The following KIF26B variants were observed in gnomAD, a reference collection of about 807,000 sequenced individuals.
KIF26B encodes the protein kinesin family member 26B, also known as kinesin-like protein KIF26B.
Under a neutral mutation model 151.2 loss-of-function variants are expected in KIF26B, and 63 were observed. The ratio of observed to expected loss-of-function variants is 0.42; its 90% CI spans 0.34 to 0.51. KIF26B has a LOEUF of 0.51. Among genes scored for constraint, KIF26B ranks in the 20% least tolerant of loss-of-function variants. The probability of loss-of-function intolerance (pLI) is 0.07; values close to 1 mark genes in which losing one functional copy is unlikely to be tolerated. For missense variants in KIF26B, 2,813 were observed against 2,913.6 expected (o/e 0.97, Z 0.79); for synonymous variants, 1,357 against 1,262.1 (o/e 1.08, Z -1.59).
intron 9 of KIF26B, among the ~76,000 whole-genome samples, chr1:245,644,090 C>T (rs1485933824): frequency 6.7e-6 from 1 of 149,272 alleles, no homozygotes; most frequent in Non-Finnish European, 1.5e-5. Context: ...ATTTGTACCA[C>T]ACTCTGTCTT....
chr1:245,450,207 T>C (rs1659354964), intron 4 of KIF26B, among the ~76,000 whole-genome samples: 1 of 152,208 alleles, frequency 6.6e-6, no homozygotes. Context: ...CTTACTTTTA[T>C]CTGTTGGCCT....
chr1:245,625,213 CT>C (rs1240722809), intron 9 of KIF26B, among the ~76,000 whole-genome samples: 1 of 152,086 alleles, frequency 6.6e-6, no homozygotes, highest in Non-Finnish European at 1.5e-5. Context: ...CAACTTTGTT[CT>C]TATTTTTTAA....
intron 2 of KIF26B, among the ~76,000 whole-genome samples, chr1:245,209,921 C>T (rs1669480550): frequency 6.6e-6 from 1 of 152,238 alleles, no homozygotes; most frequent in South Asian, 2.1e-4. Flanking sequence ...GAAACTACAC[C>T]CGTAAGAAGA....
intron 2 of KIF26B, among the ~76,000 whole-genome samples, chr1:245,312,887 C>T (rs756004031): frequency 7.9e-5 from 12 of 152,232 alleles, no homozygotes; most frequent in Middle Eastern, 6.8e-3. Context: ...ACTGGCCGGG[C>T]GCCGTGGCTC....
intron 2 of KIF26B, among the ~76,000 whole-genome samples, chr1:245,232,646 G>T (rs1670022414): frequency 6.6e-6 from 1 of 151,800 alleles, no homozygotes; most frequent in Non-Finnish European, 1.5e-5. Context: ...TGCCTCCCAG[G>T]TTCAAGCGAT....
At chr1:245,294,959 G>A (rs543817056) in intron 2 of KIF26B, among the ~76,000 whole-genome samples, 55 of 152,242 alleles carry the variant, frequency 3.6e-4, no homozygotes, top group Non-Finnish European at 5.6e-4. Flanking sequence ...CACTGTGCCC[G>A]GCTGGGTTCT....
intron 7 of KIF26B, among the ~76,000 whole-genome samples, chr1:245,608,604 G>T (rs2103151500): frequency 6.6e-6 from 1 of 152,196 alleles, no homozygotes; most frequent in South Asian, 2.1e-4. Context: ...CTTAATCTGG[G>T]GGGTAACTAT....
At chr1:245,379,755 G>A (rs1673360955) in intron 3 of KIF26B, among the ~76,000 whole-genome samples, 1 of 152,028 alleles carries the variant, frequency 6.6e-6, no homozygotes, top group African/African-American at 2.4e-5. Flanking sequence ...TGGACCACCT[G>A]AGGTCAGGAG....
At chr1:245,577,083 T>G (rs555867743) in intron 5 of KIF26B, among the ~76,000 whole-genome samples, 2 of 152,346 alleles carry the variant, frequency 1.3e-5, no homozygotes, top group African/African-American at 4.8e-5. Flanking sequence ...CATCGACTTT[T>G]CAAAGTTTGT....
intron 10 of KIF26B, among the ~76,000 whole-genome samples, chr1:245,657,891 A>G (rs769520178): frequency 7.9e-5 from 12 of 152,182 alleles, no homozygotes; most frequent in Non-Finnish European, 1.6e-4. Context: ...AGTCTATAGA[A>G]TGACAAAAAA....
chr1:245,419,581 C>G lies in KIF26B; in HGVS notation c.1002C>G (p.Ile334Met), dbSNP rs761684877. 3.1e-6 allele frequency: 5 copies of G among 1,607,694 alleles called. No homozygotes were observed. In the South Asian group the frequency reaches 5.5e-5, roughly 18 times the overall value. ...TNGVTLYPYQ[I>M]SQLMTESSRE... ...TCCGTATCCATTTTCTTTGTCAGAT[C>G]TCCCAGCTGATGACAGAGAGTAGCC... The change falls in exon 4 of 15, where the codon ATC becomes ATG. Residue 334 changes from isoleucine to methionine, a missense_variant and splice_region_variant. Coordinates refer to ENST00000407071, the MANE Select transcript of KIF26B (RefSeq NM_018012.4).
intron 4 of KIF26B, among the ~76,000 whole-genome samples, chr1:245,470,767 A>G (rs12078625): frequency 0.09 from 13,735 of 152,102 alleles, 671 homozygotes; most frequent in South Asian, 0.13. Context: ...TGTCTCCTGA[A>G]GGACAAGAAG....
chr1:245,522,035 A>AT (rs1558198292), intron 4 of KIF26B, among the ~76,000 whole-genome samples: 2 of 151,742 alleles, frequency 1.3e-5, no homozygotes, highest in Non-Finnish European at 2.9e-5. Flanking sequence ...ATGCCCGGCT[A>AT]ATTTTTTGTA....
At chr1:245,444,494 T>A (rs537072421) in intron 4 of KIF26B, among the ~76,000 whole-genome samples, 19 of 152,356 alleles carry the variant, frequency 1.2e-4, no homozygotes, top group Admixed American at 7.8e-4. Context: ...AGCCGCAAGA[T>A]TAACCAGATA....
rs1325351513 is a variant in KIF26B, at chr1:245,516,986, G to A, written c.1167-23781G>A. ...CACCTGACCATGGTCGCAGTGGGGG[G>A]CTTTCTCTTGGTATTTAATTAGTAA... is the stretch of plus-strand genomic sequence containing the variant. On this transcript the variant is annotated intron_variant, in intron 4 of 14. Coordinates refer to ENST00000407071, the MANE Select transcript of KIF26B (RefSeq NM_018012.4). The surrounding 1 kb of genome is among the most constrained non-coding windows in gnomAD (Gnocchi z 4.2). Among the ~76,000 whole-genome samples the A allele has an allele frequency of 6.6e-6, 1 of 152,206 alleles. No individual in the cohort carries two copies. The highest frequency in any genetic ancestry group is 1.5e-5 in the Non-Finnish European group (1 of 68,040).
At chr1:245,328,058 C>T (rs1349180933) in intron 2 of KIF26B, among the ~76,000 whole-genome samples, 2 of 152,032 alleles carry the variant, frequency 1.3e-5, no homozygotes, top group Non-Finnish European at 2.9e-5. Flanking sequence ...TGAGTCCTGT[C>T]ACGGCCTGTC....
At chr1:245,696,262 G>A (rs1201488906) in intron 12 of KIF26B, among the ~76,000 whole-genome samples, 2 of 152,232 alleles carry the variant, frequency 1.3e-5, no homozygotes, top group East Asian at 3.8e-4. Context: ...TTCCCTCTGG[G>A]GGATGCCAGC....
At chr1:245,379,895 C>T (rs1007046691) in intron 3 of KIF26B, among the ~76,000 whole-genome samples, 3 of 150,280 alleles carry the variant, frequency 2.0e-5, no homozygotes, top group East Asian at 4.0e-4. Context: ...CGCTTGAACC[C>T]GGGCGGCAGA....
At position 245,367,052 on chromosome 1, in the gene KIF26B, C is replaced by T. The variant is rs773556538; in HGVS notation, c.684C>T (p.Pro228=). The stretch of plus-strand genomic sequence containing the variant: ...CCCCGCCACCGCTCTCCAACATCCC[C>T]ACCCTGGTGGGGTCCCGGCACGTGG... ...PCSPPPLSNI[P]TLVGSRHVGG... is the part of the protein sequence containing the mutation. Residue 228 remains proline (P), a synonymous_variant, in exon 3 of 15, where the codon CCC becomes CCT. Coordinates refer to ENST00000407071, the MANE Select transcript of KIF26B (RefSeq NM_018012.4). The surrounding 1 kb of genome is among the most constrained non-coding windows in gnomAD (Gnocchi z 4.2). 1.2e-6 allele frequency: 2 copies of T among 1,609,042 alleles called. No individual in the cohort carries two copies. The highest frequency in any genetic ancestry group is 1.3e-5 in the African/African-American group (1 of 74,814).
Sources: allele counts gnomAD v4.1 joint callset (sites outside exome capture counted in the v4.1 genomes callset), GRCh38; gene constraint gnomAD v4.1.1; non-coding constraint Gnocchi (gnomAD v3.1); transcripts MANE v1.5; gene names NCBI Gene and HGNC (gene_info 2026-07-23, HGNC 2026-07-21).